FAM135B: variants seen among roughly 807,000 people sequenced by gnomAD.
The protein encoded by FAM135B is family with sequence similarity 135 member B.
FAM135B carries 43 observed loss-of-function variants against 127.7 expected under a neutral mutation model. That is an observed-to-expected ratio of 0.34 (90% CI 0.26 to 0.43). The LOEUF is 0.43. FAM135B is among the 20% of genes least tolerant of loss of function. FAM135B has a pLI of 1.00. For missense variants in FAM135B, 1,558 were observed against 1,725.6 expected (o/e 0.90, Z 1.72); for synonymous variants, 670 against 665.1 (o/e 1.01, Z -0.11).
At chr8:138,354,500 G>A (rs1241610360) in intron 2 of FAM135B, among the ~76,000 whole-genome samples, 2 of 152,028 alleles carry the variant, frequency 1.3e-5, no homozygotes, top group Non-Finnish European at 2.9e-5. Flanking sequence ...TACCTCCTGG[G>A]TGGGCGTTTT....
At chr8:138,265,584 T>G in intron 4 of FAM135B, 119 bp downstream of exon 4, 2 of 1,137,178 alleles carry the variant, frequency 1.8e-6, no homozygotes, top group Non-Finnish European at 2.5e-6. Flanking sequence ...AAAGCACTAA[T>G]CTCTGTCAGA....
intron 1 of FAM135B, among the ~76,000 whole-genome samples, chr8:138,453,630 A>T (rs1836616310): frequency 3.3e-5 from 5 of 152,214 alleles, no homozygotes; most frequent in Admixed American, 3.3e-4. Flanking sequence ...GTTAAGGGTC[A>T]GGGTCCAGAG....
At chr8:138,406,845 G>A (rs1266847445) in intron 1 of FAM135B, among the ~76,000 whole-genome samples, 3 of 151,000 alleles carry the variant, frequency 2.0e-5, no homozygotes, top group Non-Finnish European at 4.4e-5. Flanking sequence ...TTTGAAAACT[G>A]GCACAAGACA....
chr8:138,415,566 A>G (rs1519400), intron 1 of FAM135B, among the ~76,000 whole-genome samples: 13,270 of 152,262 alleles, frequency 0.087, 989 homozygotes, highest in East Asian at 0.26. Context: ...CATCAGAGAT[A>G]GGAGGGAAGC....
At chr8:138,267,508 CAAAGG>C (rs758329964) in intron 3 of FAM135B, among the ~76,000 whole-genome samples, 26 of 146,210 alleles carry the variant, frequency 1.8e-4, no homozygotes, top group Non-Finnish European at 3.0e-4. Flanking sequence ...TATTTCCTAG[CAAAGG>C]GTGGGGACTC....
chr8:138,180,020 G>A (rs550106690), intron 9 of FAM135B, among the ~76,000 whole-genome samples: 1 of 152,300 alleles, frequency 6.6e-6, no homozygotes, highest in South Asian at 2.1e-4. Context: ...TAACTAAAAT[G>A]TAGAGGAGTT....
chr8:138,397,632 C>T (rs1832922336), intron 1 of FAM135B, among the ~76,000 whole-genome samples: 1 of 152,082 alleles, frequency 6.6e-6, no homozygotes. Context: ...TATTAATTAG[C>T]TGTATCATCT....
intron 1 of FAM135B, among the ~76,000 whole-genome samples, chr8:138,388,562 A>G (rs1008448262): frequency 6.6e-6 from 1 of 152,226 alleles, no homozygotes; most frequent in Non-Finnish European, 1.5e-5. Context: ...ATTCAGCAGT[A>G]AGAATAAATG....
Position 138,243,090 on chromosome 8 carries a change from G to C in FAM135B, c.543-22C>G, listed in dbSNP as rs1820965975. 1 of 1,594,634 alleles carries C rather than the reference G, an allele frequency of 6.3e-7. No homozygotes were observed. Among genetic ancestry groups the C allele is most frequent in the Non-Finnish European group, 8.5e-7 (1 of 1,171,616 alleles). On this transcript the variant is annotated intron_variant, in intron 6 of 19. Transcript: ENST00000395297. The surrounding 1 kb of genome is among the most constrained non-coding windows in gnomAD (Gnocchi z 7.5). ...AAAACTAAACAAAAGATAATTGAAAGGGTGAAAAAGGAGGTAAAGAAAGTG... is the reference window on the plus strand; with the variant it reads ...AAAACTAAACAAAAGATAATTGAAACGGTGAAAAAGGAGGTAAAGAAAGTG...
chr8:138,330,046 G>A (rs1027717678), intron 2 of FAM135B, among the ~76,000 whole-genome samples: 1 of 152,140 alleles, frequency 6.6e-6, no homozygotes, highest in Non-Finnish European at 1.5e-5. Flanking sequence ...CAAGCTGTCT[G>A]ATGGGCTTGT....
At chr8:138,367,228 TG>T in intron 2 of FAM135B, 1 of 327,468 alleles carries the variant, frequency 3.1e-6, no homozygotes, top group Non-Finnish European at 6.0e-6. Flanking sequence ...CTTTGCTTTT[TG>T]TGTGTCAGTA....
upstream of FAM135B, among the ~76,000 whole-genome samples, chr8:138,497,347 G>C (rs1815438301): frequency 6.6e-6 from 1 of 150,496 alleles, no homozygotes; most frequent in African/African-American, 2.4e-5. Context: ...CCGCCCGGCG[G>C]CCAAACCCCG....
At chr8:138,354,423 GC>G (rs1829959941) in intron 2 of FAM135B, among the ~76,000 whole-genome samples, 1 of 152,112 alleles carries the variant, frequency 6.6e-6, no homozygotes, top group South Asian at 2.1e-4. Context: ...CCTTCTCAAT[GC>G]CTGAGACCCC....
chr8:138,365,630 G>A (rs1176689796), intron 2 of FAM135B, among the ~76,000 whole-genome samples: 2 of 151,982 alleles, frequency 1.3e-5, no homozygotes, highest in Non-Finnish European at 2.9e-5. Context: ...GTTGGTTCTG[G>A]CATTTCCTGG....
rs189815537 is a variant in FAM135B at position 138,151,227 on chromosome 8, G to C, written c.3248C>G (p.Thr1083Arg). 1 of 1,572,732 alleles carries C rather than the reference G, an allele frequency of 6.4e-7. No individual in the cohort carries two copies. The highest frequency in any genetic ancestry group is 8.6e-7 in the Non-Finnish European group (1 of 1,159,376). ...SFGVVSTHSS[T>R]LDEEVSERMF... ...CCTCTCACTGACTTCCTCATCCAAC[G>C]TGCTGGAATGGGTAGAAACAACTCC... Residue 1083 changes from threonine to arginine, a missense_variant, in exon 13 of 20, where the codon ACG becomes AGG. Physicochemically the swap from Thr to Arg is moderately conservative, Grantham distance 71. Around this residue, in one of 5 missense-constraint regions of FAM135B, gnomAD observed 923 missense variants for 865.3 expected, o/e 1.07. Coordinates refer to ENST00000395297, the MANE Select transcript of FAM135B (RefSeq NM_015912.4).
At position 138,328,880 on chromosome 8, in the gene FAM135B, T is replaced by C. The variant is rs548649040; in HGVS notation, c.78-17960A>G. ...ACAGCCCAGAGAAAGTCTTCAATAG[T>C]TATGAGACTATTTGATGCAAGGTGC... On this transcript the variant is annotated intron_variant, in intron 2 of 19. Transcript: ENST00000395297. Among the ~76,000 whole-genome samples the C allele has an allele frequency of 2.0e-5, 3 of 152,292 alleles. No individual in the cohort carries two copies. In the South Asian group the frequency reaches 6.2e-4, roughly 32 times the overall value.
chr8:138,317,163 G>A (rs1323102613), intron 2 of FAM135B, among the ~76,000 whole-genome samples: 1 of 152,024 alleles, frequency 6.6e-6, no homozygotes, highest in Non-Finnish European at 1.5e-5. Flanking sequence ...AATAAACTGT[G>A]GAAACTACTC....
At chr8:138,142,720 C>T (rs779276990) in intron 16 of FAM135B, 14 of 296,104 alleles carry the variant, frequency 4.7e-5, no homozygotes, top group Non-Finnish European at 8.2e-5. Flanking sequence ...AACAAGATTC[C>T]AACTTGTGAG....
At position 138,421,939 on chromosome 8, in the gene FAM135B, T is replaced by C. The variant is rs934759658; in HGVS notation, c.-19-53937A>G. Among the ~76,000 whole-genome samples, 4 of 151,992 alleles carry C rather than the reference T, an allele frequency of 2.6e-5. No individual in the cohort carries two copies. The East Asian group carries it at 7.7e-4, about 29-fold the overall frequency. ...TGGTATGTGTACAAAAACAAACACA[T>C]AGACCAATGGAACAGAACAGGTTAG... On this transcript the variant is annotated intron_variant, in intron 1 of 19. Coordinates refer to ENST00000395297, the MANE Select transcript of FAM135B (RefSeq NM_015912.4).
Sources: allele counts gnomAD v4.1 joint callset (sites outside exome capture counted in the v4.1 genomes callset), GRCh38; gene constraint gnomAD v4.1.1; regional missense constraint gnomAD v4.1.1; non-coding constraint Gnocchi (gnomAD v3.1); transcripts MANE v1.5; gene names NCBI Gene and HGNC (gene_info 2026-07-23, HGNC 2026-07-21).